SEMA3A: variants seen among roughly 807,000 people sequenced by gnomAD.
SEMA3A encodes semaphorin-3A.
In SEMA3A, 29 loss-of-function variants were observed where a neutral mutation model predicts 97.9. The ratio of observed to expected loss-of-function variants is 0.30; its 90% CI spans 0.22 to 0.40. The LOEUF (loss-of-function observed/expected upper bound fraction) is 0.40, where lower values mean the gene tolerates loss of function less well. Among genes scored for constraint, SEMA3A ranks in the 10% least tolerant of loss-of-function variants. SEMA3A has a pLI of 1.00. For missense variants in SEMA3A, 763 were observed against 951.3 expected (o/e 0.80, Z 2.60); for synonymous variants, 321 against 323.7 (o/e 0.99, Z 0.09).
chr7:84,147,253 A>G (rs1224850998), intron 1 of SEMA3A, among the ~76,000 whole-genome samples: 1 of 152,194 alleles, frequency 6.6e-6, no homozygotes, highest in South Asian at 2.1e-4. Flanking sequence ...CATTTTTAAA[A>G]CTACTTAAGA....
At chr7:84,333,487 G>A (rs1801955100) in intron 2 of SEMA3A, among the ~76,000 whole-genome samples, 2 of 152,084 alleles carry the variant, frequency 1.3e-5, no homozygotes, top group Non-Finnish European at 1.5e-5. Flanking sequence ...ACGATGAGGT[G>A]AGGAGAGTGA....
chr7:84,355,704 T>G (rs1206626475), intron 2 of SEMA3A, among the ~76,000 whole-genome samples: 1 of 151,852 alleles, frequency 6.6e-6, no homozygotes, highest in Non-Finnish European at 1.5e-5. Context: ...GCCCACATCA[T>G]ATTGTTCCCA....
chr7:84,405,268 T>A (rs1043648174), intron 1 of SEMA3A, among the ~76,000 whole-genome samples: 3 of 152,096 alleles, frequency 2.0e-5, no homozygotes, highest in Non-Finnish European at 4.4e-5. Context: ...AAACAGACTT[T>A]AAACCAACAA....
At chr7:84,026,669 A>G (rs2116453936) in intron 6 of SEMA3A, among the ~76,000 whole-genome samples, 1 of 152,342 alleles carries the variant, frequency 6.6e-6, no homozygotes, top group African/African-American at 2.4e-5. Flanking sequence ...CTATGCAGCC[A>G]TAAAAAGGAA....
chr7:83,981,213 T>C, intron 14 of SEMA3A, 108 bp downstream of exon 14: 1 of 1,235,922 alleles, frequency 8.1e-7, no homozygotes, highest in Admixed American at 2.1e-5. Context: ...CCAAATCTTT[T>C]TATTCATTAG....
intron 3 of SEMA3A, among the ~76,000 whole-genome samples, chr7:84,262,685 C>CA: frequency 6.6e-6 from 1 of 152,240 alleles, no homozygotes; most frequent in African/African-American, 2.4e-5. Context: ...ATATGGGTGA[C>CA]AAAAAAGCTT....
chr7:84,038,477 C>T (rs1183779691), intron 6 of SEMA3A, among the ~76,000 whole-genome samples: 1 of 151,838 alleles, frequency 6.6e-6, no homozygotes, highest in East Asian at 1.9e-4. Context: ...ATGTGATTCT[C>T]GTAACAACCA....
At chr7:84,395,654 A>G (rs6942530) in intron 1 of SEMA3A, among the ~76,000 whole-genome samples, 16,977 of 151,924 alleles carry the variant, frequency 0.11, 1,188 homozygotes, top group East Asian at 0.28. Context: ...ATAGTGTGTG[A>G]GTTCTAATGA....
At chr7:84,236,956 T>C (rs1356592067) in intron 3 of SEMA3A, among the ~76,000 whole-genome samples, 1 of 152,118 alleles carries the variant, frequency 6.6e-6, no homozygotes, top group Non-Finnish European at 1.5e-5. Flanking sequence ...GTAAGTGATA[T>C]ACTTAAAGCA....
intron 5 of SEMA3A, among the ~76,000 whole-genome samples, chr7:84,048,834 T>C (rs183584991): frequency 4.6e-5 from 7 of 152,040 alleles, no homozygotes; most frequent in Admixed American, 6.6e-5. Flanking sequence ...AGAAAATCCA[T>C]AATTATGATG....
At chr7:84,477,266 G>A (rs1347937125) in intron 1 of SEMA3A, among the ~76,000 whole-genome samples, 1 of 149,650 alleles carries the variant, frequency 6.7e-6, no homozygotes, top group Non-Finnish European at 1.5e-5. Context: ...GTGAAACTCC[G>A]TCTCTACTAA....
chr7:84,347,096 A>G (rs1294353307), intron 2 of SEMA3A, among the ~76,000 whole-genome samples: 1 of 152,220 alleles, frequency 6.6e-6, no homozygotes, highest in Non-Finnish European at 1.5e-5. Flanking sequence ...TGAAAATACA[A>G]AATTGTATAA....
At chr7:84,440,120 C>T (rs962838003) in intron 1 of SEMA3A, among the ~76,000 whole-genome samples, 4 of 152,074 alleles carry the variant, frequency 2.6e-5, no homozygotes, top group Admixed American at 6.6e-5. Context: ...AAAATGGCAG[C>T]GTGTAAAGCA....
intron 1 of SEMA3A, among the ~76,000 whole-genome samples, chr7:84,188,953 T>C (rs574893416): frequency 6.6e-6 from 1 of 151,998 alleles, no homozygotes; most frequent in African/African-American, 2.4e-5. Context: ...TCTGCACACC[T>C]TATTCTGTGC....
intron 1 of SEMA3A, among the ~76,000 whole-genome samples, chr7:84,466,275 C>G (rs1209380102): frequency 1.3e-5 from 2 of 151,996 alleles, no homozygotes; most frequent in Non-Finnish European, 2.9e-5. Context: ...CTGGTTCAAG[C>G]GATTCTCCTG....
At chr7:84,217,473 T>C (rs1798776815) in intron 3 of SEMA3A, among the ~76,000 whole-genome samples, 1 of 152,140 alleles carries the variant, frequency 6.6e-6, no homozygotes, top group South Asian at 2.1e-4. Context: ...AAAATCTGTT[T>C]CCATTCTAAA....
intron 2 of SEMA3A, among the ~76,000 whole-genome samples, chr7:84,364,311 G>A (rs1443955745): frequency 6.6e-6 from 1 of 151,460 alleles, no homozygotes; most frequent in Non-Finnish European, 1.5e-5. Flanking sequence ...AAAACACCTT[G>A]TACATTGGCC....
At chr7:84,027,630 C>A (rs751441591) in intron 6 of SEMA3A, among the ~76,000 whole-genome samples, 1 of 152,110 alleles carries the variant, frequency 6.6e-6, no homozygotes, top group African/African-American at 2.4e-5. Flanking sequence ...GTTACTTGAA[C>A]TCAAACAGAC....
chr7:83,992,177 C>A (rs1369742434), intron 12 of SEMA3A, among the ~76,000 whole-genome samples: 5 of 151,178 alleles, frequency 3.3e-5, no homozygotes. Flanking sequence ...TCCCCTTTAT[C>A]ATTTTTTATT....
Sources: gnomAD v4.1 joint callset for allele counts (sites outside exome capture counted in the v4.1 genomes callset) on GRCh38, gnomAD v4.1.1 for gene constraint, MANE v1.5 for transcripts, NCBI Gene and HGNC (gene_info 2026-07-23, HGNC 2026-07-21) for gene names.